ACTR3C: variants seen among roughly 807,000 people sequenced by gnomAD.
ACTR3C encodes actin related protein 3C.
Under a neutral mutation model 26.3 loss-of-function variants are expected in ACTR3C, and 18 were observed. The ratio of observed to expected loss-of-function variants is 0.68; its 90% CI spans 0.47 to 1.01. The LOEUF is 1.01. ACTR3C is among the 50% of genes least tolerant of loss of function. The pLI is 0.00. For missense variants in ACTR3C, 184 were observed against 250.7 expected, an observed-to-expected ratio of 0.73 and a Z score of 1.80; for synonymous variants, 55 against 94.5, an observed-to-expected ratio of 0.58 and a Z score of 2.42.
the ACTR3C span, among the ~76,000 whole-genome samples, chr7:150,042,325 CA>C: frequency 9.7e-6 from 1 of 103,474 alleles, no homozygotes; most frequent in Non-Finnish European, 2.0e-5. Flanking sequence ...GACTGGCTCT[CA>C]GTCCCTGCCT....
chr7:149,947,064 T>C, the ACTR3C span, among the ~76,000 whole-genome samples: 15,992 of 150,694 alleles, frequency 0.11, 2,964 homozygotes, highest in African/African-American at 0.37. Context: ...GGTACCACGG[T>C]GGGGAGTGTC....
Position 150,309,552 on chromosome 7 carries a change from C to T in ACTR3C, c.-52+13917G>A, listed in dbSNP as rs181362326. Among the ~76,000 whole-genome samples the T allele has an allele frequency of 2.9e-3, 436 of 152,336 alleles. 22 individuals carry two copies. In the South Asian group the frequency reaches 0.087, roughly 30 times the overall value. On this transcript the variant is annotated intron_variant, in intron 1 of 7. Coordinates refer to ENST00000683684, the MANE Select transcript of ACTR3C (RefSeq NM_001164458.2). ...AGACAAACCCCAGCCATGCCTTCAG[C>T]ACACAAAAACTTCAGAACAACCAAA...
chr7:150,200,037 G>A, the ACTR3C span, among the ~76,000 whole-genome samples: 12 of 152,156 alleles, frequency 7.9e-5, no homozygotes, highest in Non-Finnish European at 1.5e-5. Context: ...ACCGACCTAT[G>A]AAAATCAATG....
the ACTR3C span, among the ~76,000 whole-genome samples, chr7:149,919,035 C>G: frequency 6.6e-6 from 1 of 152,218 alleles, no homozygotes; most frequent in African/African-American, 2.4e-5. Flanking sequence ...GCCTTCTCTA[C>G]AAGTTTTCCG....
the ACTR3C span, among the ~76,000 whole-genome samples, chr7:150,205,819 C>CTT: frequency 1.5e-4 from 21 of 144,788 alleles, no homozygotes; most frequent in African/African-American, 4.3e-4. Flanking sequence ...TTCAGAAGAC[C>CTT]TTTTTTTTTT....
chr7:150,034,405 C>T, the ACTR3C span, among the ~76,000 whole-genome samples: 2 of 151,336 alleles, frequency 1.3e-5, no homozygotes, highest in East Asian at 3.9e-4. Context: ...GCTGGGGCTG[C>T]CAGAAGATTT....
chr7:150,061,555 A>G, the ACTR3C span, among the ~76,000 whole-genome samples: 2 of 46,698 alleles, frequency 4.3e-5, no homozygotes, highest in African/African-American at 1.4e-4. Context: ...ACTTTGGGGT[A>G]GCTTTATAAC....
chr7:150,253,752 A>G (rs561876583), intron 6 of ACTR3C, among the ~76,000 whole-genome samples: 2 of 152,106 alleles, frequency 1.3e-5, no homozygotes, highest in African/African-American at 4.8e-5. Flanking sequence ...CAAGCGGCCC[A>G]TCGGTATTGG....
At chr7:150,080,671 G>C in the ACTR3C span, among the ~76,000 whole-genome samples, 1 of 152,042 alleles carries the variant, frequency 6.6e-6, no homozygotes, top group Non-Finnish European at 1.5e-5. Flanking sequence ...GGGCAGCATG[G>C]GGTGAGATTC....
the ACTR3C span, among the ~76,000 whole-genome samples, chr7:149,947,063 G>C: frequency 5.5e-4 from 83 of 151,834 alleles, 1 homozygote; most frequent in South Asian, 0.017. Context: ...GGGTACCACG[G>C]TGGGGAGTGT....
At chr7:150,127,413 AT>A in the ACTR3C span, among the ~76,000 whole-genome samples, 17 of 152,196 alleles carry the variant, frequency 1.1e-4, 1 homozygote, top group Admixed American at 1.1e-3. Flanking sequence ...ACTTGGCTGC[AT>A]TTTACTGAAT....
At chr7:150,251,981 C>G (rs538814681) in intron 6 of ACTR3C, among the ~76,000 whole-genome samples, 1 of 152,148 alleles carries the variant, frequency 6.6e-6, no homozygotes, top group Non-Finnish European at 1.5e-5. Context: ...CATAGTCCAG[C>G]GTTTGCTCTG....
intron 6 of ACTR3C, among the ~76,000 whole-genome samples, chr7:150,266,144 A>G (rs1211270688): frequency 6.7e-6 from 1 of 148,486 alleles, no homozygotes; most frequent in Non-Finnish European, 1.5e-5. Flanking sequence ...TAACTAAAAA[A>G]TTATTCAGTA....
the ACTR3C span, among the ~76,000 whole-genome samples, chr7:150,019,143 G>A: frequency 6.7e-6 from 1 of 150,132 alleles, no homozygotes; most frequent in Admixed American, 6.6e-5. Context: ...TGAAAGAGAT[G>A]ATATATAAAA....
the ACTR3C span, among the ~76,000 whole-genome samples, chr7:150,112,005 AG>A: frequency 3.3e-5 from 5 of 151,448 alleles, no homozygotes; most frequent in Non-Finnish European, 5.9e-5. Flanking sequence ...TGGAGTTCAC[AG>A]AAACTGCATT....
At chr7:149,996,707 T>C in the ACTR3C span, among the ~76,000 whole-genome samples, 2,744 of 145,886 alleles carry the variant, frequency 0.019, no homozygotes, top group African/African-American at 0.068. Context: ...CAGTATCCAA[T>C]GGCATCTTAA....
chr7:149,967,032 T>TTTTTTC, the ACTR3C span, among the ~76,000 whole-genome samples: 1 of 102,818 alleles, frequency 9.7e-6, no homozygotes, highest in Non-Finnish European at 1.9e-5. Context: ...CAGCTAATTT[T>TTTTTTC]TTTTTTTTTT....
the ACTR3C span, among the ~76,000 whole-genome samples, chr7:149,924,923 C>T: frequency 2.6e-5 from 4 of 152,154 alleles, no homozygotes; most frequent in East Asian, 1.9e-4. Context: ...GCCACTGCGC[C>T]GGGCCCAGTG....
chr7:149,983,979 G>A, the ACTR3C span, among the ~76,000 whole-genome samples: 1 of 152,028 alleles, frequency 6.6e-6, no homozygotes, highest in Non-Finnish European at 1.5e-5. Context: ...AATGGGAGGC[G>A]TTCCATGGGT....
Sources: gnomAD v4.1 joint callset for allele counts (sites outside exome capture counted in the v4.1 genomes callset) on GRCh38, gnomAD v4.1.1 for gene constraint, MANE v1.5 for transcripts, NCBI Gene and HGNC (gene_info 2026-07-23, HGNC 2026-07-21) for gene names.